The following EPHA4 variants were observed in gnomAD, a reference collection of about 807,000 sequenced individuals.
The protein encoded by EPHA4 is ephrin type-A receptor 4.
Under a neutral mutation model 108.3 loss-of-function variants are expected in EPHA4, and 19 were observed. The observed-to-expected ratio is 0.18, with a 90% CI of 0.12 to 0.26. The LOEUF (loss-of-function observed/expected upper bound fraction) is 0.26. EPHA4 is among the 10% of genes least tolerant of loss of function. EPHA4 has a pLI of 1.00. For synonymous variants in EPHA4, 449 were observed against 455.5 expected (o/e 0.99, Z 0.18); for missense variants, 917 against 1,254.0 (o/e 0.73, Z 4.06).
intron 14 of EPHA4, 105 bp from the exon 15 acceptor site, chr2:221,430,256 T>C: frequency 8.2e-7 from 1 of 1,214,120 alleles, no homozygotes; most frequent in Non-Finnish European, 1.2e-6. Context: ...GCCAGCAAGC[T>C]GGAGCCTGGG....
At chr2:221,512,484 G>A (rs2106166568) in intron 3 of EPHA4, among the ~76,000 whole-genome samples, 1 of 152,280 alleles carries the variant, frequency 6.6e-6, no homozygotes, top group South Asian at 2.1e-4. Context: ...TGATTGCCCA[G>A]GACATTTCAC....
At chr2:221,497,745 A>G (rs1014388720) in intron 4 of EPHA4, among the ~76,000 whole-genome samples, 6 of 152,084 alleles carry the variant, frequency 3.9e-5, no homozygotes, top group African/African-American at 1.4e-4. Flanking sequence ...CAAAAAAAAA[A>G]TGAAAAAATA....
chr2:221,559,610 T>G (rs571046956), intron 3 of EPHA4, among the ~76,000 whole-genome samples: 7 of 152,206 alleles, frequency 4.6e-5, no homozygotes, highest in Non-Finnish European at 8.8e-5. Context: ...CCTCTCTTCC[T>G]TCTGCTTACT....
intron 3 of EPHA4, among the ~76,000 whole-genome samples, chr2:221,552,731 A>G (rs1169830241): frequency 6.6e-6 from 1 of 152,204 alleles, no homozygotes; most frequent in Non-Finnish European, 1.5e-5. Flanking sequence ...AGGTTGGCCA[A>G]ACACAAACAG....
At chr2:221,488,436 T>C (rs1467235553) in intron 4 of EPHA4, among the ~76,000 whole-genome samples, 1 of 152,236 alleles carries the variant, frequency 6.6e-6, no homozygotes, top group Non-Finnish European at 1.5e-5. Flanking sequence ...ATGAGACATA[T>C]GGCTTATTTC....
chr2:221,551,402 G>A (rs962058830), intron 3 of EPHA4, among the ~76,000 whole-genome samples: 1 of 151,994 alleles, frequency 6.6e-6, no homozygotes. Flanking sequence ...TTGGGGAGGG[G>A]TTCTTTTTAG....
At position 221,430,008 on chromosome 2, in the gene EPHA4, T is replaced by C; in HGVS notation, c.2640A>G (p.Lys880=). Residue 880 remains lysine, a synonymous_variant, in exon 15 of 18, where the codon AAA becomes AAG. Coordinates refer to ENST00000281821, the MANE Select transcript of EPHA4 (RefSeq NM_004438.5). Reference sequence around the variant, plus strand: ...TCAAGCTGTTGGGGTTGCGGATGAGTTTGTCCAACATGTTGACAATCTGCC... The same window carrying C: ...TCAAGCTGTTGGGGTTGCGGATGAGCTTGTCCAACATGTTGACAATCTGCC... ...KFGQIVNMLD[K]LIRNPNSLKR... is the part of the protein sequence containing the mutation. 1 of 1,613,802 alleles carries C rather than the reference T, an allele frequency of 6.2e-7. No individual in the cohort carries two copies.
intron 4 of EPHA4, among the ~76,000 whole-genome samples, chr2:221,486,725 C>A (rs979883578): frequency 2.1e-5 from 3 of 142,348 alleles, no homozygotes; most frequent in African/African-American, 7.9e-5. Flanking sequence ...CAGAGTGAGA[C>A]TCTGTCTCAA....
chr2:221,519,904 G>A (rs546451743), intron 3 of EPHA4, among the ~76,000 whole-genome samples: 1 of 151,694 alleles, frequency 6.6e-6, no homozygotes, highest in Non-Finnish European at 1.5e-5. Flanking sequence ...ATGCAACCTA[G>A]AGTCCTAGCC....
In EPHA4 at chr2:221,418,482, TCAGA is replaced by T. The variant is rs1474980547; in HGVS notation, c.*2886_*2889del. 6.6e-6 allele frequency: 1 copy of T among 152,630 alleles called. No individual in the cohort carries two copies. The highest frequency in any genetic ancestry group is 2.4e-5 in the African/African-American group (1 of 41,446). 9.5% of individuals were successfully genotyped at this position (152,630 alleles called of 1,614,324 possible). The stretch of plus-strand genomic sequence containing the variant: ...TTTATGGGTCAGAATTTAAGTGTCT[TCAGA>T]CAAATATTGAGGCTATACGGGTGTA... On this transcript the variant is annotated 3_prime_UTR_variant, in exon 18 of 18. Coordinates refer to ENST00000281821, the MANE Select transcript of EPHA4 (RefSeq NM_004438.5).
chr2:221,551,599 T>A (rs943690963), intron 3 of EPHA4, among the ~76,000 whole-genome samples: 1 of 152,112 alleles, frequency 6.6e-6, no homozygotes, highest in East Asian at 1.9e-4. Context: ...TTTAAAATTA[T>A]TGAAAAAGTT....
chr2:221,553,182 A>T (rs1269721458), intron 3 of EPHA4, among the ~76,000 whole-genome samples: 1 of 152,242 alleles, frequency 6.6e-6, no homozygotes, highest in Non-Finnish European at 1.5e-5. Flanking sequence ...TAAAGATTGC[A>T]AAGTATTACC....
Position 221,572,145 on chromosome 2 carries a change from G to A in EPHA4, c.91+13C>T. ...CGCTGTCCCCGACCACAGAAAGGCC[G>A]TCCCGCTCTTACCTTCATTCGCGGG... On this transcript the variant is annotated intron_variant, in intron 1 of 17. Coordinates refer to ENST00000281821, the MANE Select transcript of EPHA4 (RefSeq NM_004438.5). 1.2e-6 allele frequency: 2 copies of A among 1,610,962 alleles called. No homozygotes were observed. Among genetic ancestry groups the A allele is most frequent in the Non-Finnish European group, 1.7e-6 (2 of 1,177,304 alleles).
chr2:221,458,811 T>C (rs1390457325), intron 5 of EPHA4, among the ~76,000 whole-genome samples: 4 of 152,172 alleles, frequency 2.6e-5, no homozygotes, highest in East Asian at 1.9e-4. Flanking sequence ...CTGCTGACAC[T>C]GACAATGGCT....
At chr2:221,526,206 G>A (rs569439220) in intron 3 of EPHA4, among the ~76,000 whole-genome samples, 1 of 151,774 alleles carries the variant, frequency 6.6e-6, no homozygotes, top group East Asian at 1.9e-4. Flanking sequence ...ACAGTGTCAG[G>A]ATTTGAAGCA....
Position 221,420,500 on chromosome 2 carries a change from G to A in EPHA4, c.*872C>T, listed in dbSNP as rs1312534965. On this transcript the variant is annotated 3_prime_UTR_variant, in exon 18 of 18. Coordinates refer to ENST00000281821, the MANE Select transcript of EPHA4 (RefSeq NM_004438.5). ...AGGGTGTGTTCTGTTTTCTTCCACG[G>A]GCTTTGTAATCAACAGGAAGGGCTG... 6.6e-6 allele frequency: 1 copy of A among 152,472 alleles called. No individual in the cohort carries two copies. Among genetic ancestry groups the A allele is most frequent in the Non-Finnish European group, 1.5e-5 (1 of 68,036 alleles). 9.4% of individuals were successfully genotyped at this position (152,472 alleles called of 1,614,324 possible).
chr2:221,568,673 C>A, intron 2 of EPHA4, 45 bp downstream of exon 2: 1 of 1,525,222 alleles, frequency 6.6e-7, no homozygotes, highest in South Asian at 1.2e-5. Flanking sequence ...AGTTGCTAAT[C>A]ACTCCTTTTT....
At chr2:221,501,334 T>A (rs1692484164) in intron 3 of EPHA4, 162 bp from the exon 4 acceptor site, 1 of 578,842 alleles carries the variant, frequency 1.7e-6, no homozygotes, top group Non-Finnish European at 2.9e-6. Context: ...AAGCATTCAT[T>A]GAGTATAGTC....
intron 5 of EPHA4, among the ~76,000 whole-genome samples, chr2:221,466,361 T>G (rs894205699): frequency 6.6e-5 from 10 of 152,130 alleles, no homozygotes; most frequent in African/African-American, 2.4e-4. Flanking sequence ...AAACAAAGAA[T>G]GGGGAAAGGA....
Sources: gnomAD v4.1 joint callset for allele counts (sites outside exome capture counted in the v4.1 genomes callset) on GRCh38, gnomAD v4.1.1 for gene constraint, MANE v1.5 for transcripts, NCBI Gene and HGNC (gene_info 2026-07-23, HGNC 2026-07-21) for gene names.